Variants in PTK7 observed in about 807,000 individuals in gnomAD.
PTK7 encodes protein tyrosine kinase 7 (inactive), also known as inactive tyrosine-protein kinase 7.
In PTK7, 39 loss-of-function variants were observed where a neutral mutation model predicts 116.6. That is an observed-to-expected ratio of 0.33 (90% CI 0.26 to 0.44). The LOEUF (loss-of-function observed/expected upper bound fraction) is 0.44. PTK7 is among the 20% of genes least tolerant of loss of function. PTK7 has a pLI of 1.00. For missense variants in PTK7, 1,169 were observed against 1,425.6 expected (o/e 0.82, Z 2.90); for synonymous variants, 546 against 563.6 (o/e 0.97, Z 0.44).
chr6:43,125,352 T>C (rs551941911), intron 1 of PTK7, among the ~76,000 whole-genome samples: 1 of 152,238 alleles, frequency 6.6e-6, no homozygotes, highest in Admixed American at 6.5e-5. Flanking sequence ...GCAGCATCTC[T>C]CACCACAGCT....
In PTK7 at chr6:43,094,769, C is replaced by T. The variant is rs1011553793; in HGVS notation, c.79+18202C>T. Among the ~76,000 whole-genome samples the T allele has an allele frequency of 5.0e-4, 76 of 152,026 alleles. No homozygotes were observed. The Middle Eastern group carries it at 0.01, about 20-fold the overall frequency. On this transcript the variant is annotated intron_variant, in intron 1 of 19. Transcript: ENST00000230419. ...CTGGGATTACAGGCATGAGCTACTG[C>T]GCCCGGCCACAAAATTGTTTTTTAA...
intron 1 of PTK7, among the ~76,000 whole-genome samples, chr6:43,092,878 G>A (rs1339870212): frequency 6.6e-6 from 1 of 152,194 alleles, no homozygotes; most frequent in Non-Finnish European, 1.5e-5. Context: ...GGCTATGACT[G>A]TGATGCTTAT....
Position 43,161,637 on chromosome 6 carries a change from G to C in PTK7, c.*756G>C, listed in dbSNP as rs372601411. On this transcript the variant is annotated 3_prime_UTR_variant, in exon 20 of 20. Coordinates refer to ENST00000230419, the MANE Select transcript of PTK7 (RefSeq NM_002821.5). ...CTTACCCCACACTTTTATTGTTGTC[G>C]TTTTTTGTTTGTTTTGTTTTTTTGT... 1 of 152,056 alleles carries C rather than the reference G, an allele frequency of 6.6e-6. No homozygotes were observed. Among genetic ancestry groups the C allele is most frequent in the Non-Finnish European group, 1.5e-5 (1 of 67,982 alleles). 9.4% of individuals were successfully genotyped at this position (152,056 alleles called of 1,614,324 possible). A position where few individuals can be genotyped will look rare whatever the true frequency, so the allele number is the denominator to read the frequency against.
chr6:43,111,837 C>CTTTT lies in PTK7; in HGVS notation c.80-17126_80-17123dup, dbSNP rs34582469. 6.9e-3 allele frequency among the ~76,000 whole-genome samples: 953 copies of CTTTT among 137,198 alleles called. 15 individuals carry two copies. The highest frequency in any genetic ancestry group is 0.024 in the African/African-American group (904 of 37,154). The allele number at this position is 137,198 out of a possible 152,430, so 90.0% of individuals were successfully genotyped here. On this transcript the variant is annotated intron_variant, in intron 1 of 19. Coordinates refer to ENST00000230419, the MANE Select transcript of PTK7 (RefSeq NM_002821.5). Reference sequence around the variant, plus strand: ...TGCATACCACCATGCCCAGCTAATTCTTTTTTTTTTTTTTTTTAATATTTA... The same window carrying CTTTT: ...TGCATACCACCATGCCCAGCTAATTCTTTTTTTTTTTTTTTTTTTTTAATATTTA...
chr6:43,110,283 C>G (rs769444141), intron 1 of PTK7, among the ~76,000 whole-genome samples: 7 of 152,036 alleles, frequency 4.6e-5, no homozygotes, highest in Non-Finnish European at 7.4e-5. Context: ...AGCCACCATG[C>G]CTGGCCTGGA....
At chr6:43,157,010 G>C (rs1168822258) in intron 17 of PTK7, among the ~76,000 whole-genome samples, 1 of 150,950 alleles carries the variant, frequency 6.6e-6, no homozygotes, top group Non-Finnish European at 1.5e-5. Context: ...CTCTGAAACA[G>C]GCAAAATGGA....
At chr6:43,142,535 G>T in intron 13 of PTK7, 1 of 674,984 alleles carries the variant, frequency 1.5e-6, no homozygotes, top group Non-Finnish European at 2.6e-6. Context: ...GGGGAGTGGG[G>T]GGGTGTTCTC....
Position 43,139,544 on chromosome 6 carries a change from T to G in PTK7, c.1618+19T>G. ...CGGGCAGGTGGGTACAGTGCCGGCA[T>G]AGGGTAGGGGCAGGCAGGCAGTTCA... is the stretch of plus-strand genomic sequence containing the variant. On this transcript the variant is annotated intron_variant, in intron 10 of 19. Coordinates refer to ENST00000230419, the MANE Select transcript of PTK7 (RefSeq NM_002821.5). The surrounding 1 kb of genome is among the most constrained non-coding windows in gnomAD (Gnocchi z 4.6). The G allele has an allele frequency of 6.2e-7, 1 of 1,613,490 alleles. No individual in the cohort carries two copies. The highest frequency in any genetic ancestry group is 2.2e-5 in the East Asian group (1 of 44,858).
chr6:43,118,739 ATGTGTGTGTATGTGTGTGTGTGTGTG>A (rs1768761662), intron 1 of PTK7, among the ~76,000 whole-genome samples: 1 of 123,478 alleles, frequency 8.1e-6, no homozygotes, highest in Admixed American at 8.4e-5. Flanking sequence ...ATATGTATAT[ATGTGTGTGTATGTGTGTGTGTGTGTG>A]TGTGTGTGTA....
chr6:43,159,667 T>G (rs1311834570), intron 18 of PTK7, 121 bp from the exon 19 acceptor site: 1 of 983,716 alleles, frequency 1.0e-6, no homozygotes, highest in South Asian at 1.4e-5. Context: ...AATTTCTTGA[T>G]GTCTGTATGT....
At chr6:43,124,680 A>C (rs997617222) in intron 1 of PTK7, among the ~76,000 whole-genome samples, 1 of 152,204 alleles carries the variant, frequency 6.6e-6, no homozygotes, top group African/African-American at 2.4e-5. Context: ...TATCTCAAAA[A>C]TAGCCCAACA....
At chr6:43,115,747 A>G (rs2150408121) in intron 1 of PTK7, among the ~76,000 whole-genome samples, 1 of 152,014 alleles carries the variant, frequency 6.6e-6, no homozygotes, top group African/African-American at 2.4e-5. Flanking sequence ...ACCAGCCATG[A>G]CCAACATGGA....
At position 43,132,096 on chromosome 6, in the gene PTK7, T is replaced by C; in HGVS notation, c.893T>C (p.Ile298Thr). The change falls in exon 6 of 20, where the codon ATC becomes ACC. Residue 298 changes from isoleucine to threonine, a missense_variant. Ile to Thr is a moderately conservative substitution (Grantham distance 89). Transcript: ENST00000230419. ...LTQVRPRNAG[I>T]YRCIGQGQRG... is the part of the protein sequence containing the mutation. The stretch of plus-strand genomic sequence containing the variant: ...CAGGTCCGGCCACGCAATGCAGGGA[T>C]CTACCGCTGCATTGGCCAGGGGCAG... 6.2e-7 allele frequency: 1 copy of C among 1,614,072 alleles called. No homozygotes were observed. Among genetic ancestry groups the C allele is most frequent in the Non-Finnish European group, 8.5e-7 (1 of 1,180,026 alleles).
At chr6:43,092,796 G>A (rs1767023651) in intron 1 of PTK7, among the ~76,000 whole-genome samples, 1 of 152,172 alleles carries the variant, frequency 6.6e-6, no homozygotes, top group African/African-American at 2.4e-5. Flanking sequence ...GGTTATAACT[G>A]ATGGTTATCT....
At chr6:43,079,582 C>T (rs1233069181) in intron 1 of PTK7, among the ~76,000 whole-genome samples, 2 of 152,026 alleles carry the variant, frequency 1.3e-5, no homozygotes, top group African/African-American at 4.8e-5. Flanking sequence ...ACACAACTTC[C>T]CTGTATACTT....
chr6:43,123,047 C>G (rs940729577), intron 1 of PTK7, among the ~76,000 whole-genome samples: 1 of 152,206 alleles, frequency 6.6e-6, no homozygotes, highest in African/African-American at 2.4e-5. Flanking sequence ...CTCTGTGGAG[C>G]ACACTCCTGG....
At chr6:43,084,353 G>A (rs979599389) in intron 1 of PTK7, among the ~76,000 whole-genome samples, 2 of 152,144 alleles carry the variant, frequency 1.3e-5, no homozygotes, top group African/African-American at 2.4e-5. Flanking sequence ...GTGTTGCCCA[G>A]GCTGGTGTTG....
intron 1 of PTK7, among the ~76,000 whole-genome samples, chr6:43,109,746 A>G (rs1582110116): frequency 6.8e-6 from 1 of 146,172 alleles, no homozygotes. Flanking sequence ...TCACCCAGGC[A>G]GGAGTGCAGT....
At position 43,141,924 on chromosome 6, in the gene PTK7, C is replaced by T. The variant is rs1479524122; in HGVS notation, c.1769-7C>T. 1 of 1,600,928 alleles carries T rather than the reference C, an allele frequency of 6.2e-7. No individual in the cohort carries two copies. The highest frequency in any genetic ancestry group is 2.2e-5 in the East Asian group (1 of 44,576). ...TCCCTGCGCCTCGCTGGTCTCTTTT[C>T]TTCCAGTTTTTATCACCTTCAAAGT... On this transcript the variant is annotated splice_polypyrimidine_tract_variant and splice_region_variant and intron_variant, in intron 11 of 19. Transcript: ENST00000230419. The surrounding 1 kb of genome is among the most constrained non-coding windows in gnomAD (Gnocchi z 4.9).
Sources: gnomAD v4.1 joint callset for allele counts (sites outside exome capture counted in the v4.1 genomes callset) on GRCh38, gnomAD v4.1.1 for gene constraint, Gnocchi (gnomAD v3.1) non-coding constraint, MANE v1.5 for transcripts, NCBI Gene and HGNC (gene_info 2026-07-23, HGNC 2026-07-21) for gene names.